Variants in LMBRD2 observed in about 807,000 individuals in gnomAD.
The protein encoded by LMBRD2 is G protein-coupled receptor-associated protein LMBRD2.
A neutral mutation model predicts 94.4 loss-of-function variants in LMBRD2; 55 were observed. The ratio of observed to expected loss-of-function variants is 0.58; its 90% confidence interval spans 0.47 to 0.73. LMBRD2 has a LOEUF of 0.73. Ranked by LOEUF, LMBRD2 falls within the 30% of genes least tolerant of loss-of-function variation. The pLI, the probability that LMBRD2 is intolerant of heterozygous loss-of-function variation, is 0.00. For synonymous variants in LMBRD2, 246 were observed against 272.4 expected, an observed-to-expected ratio of 0.90 and a Z score of 0.95; for missense variants, 640 against 831.9, an observed-to-expected ratio of 0.77 and a Z score of 2.84.
At position 36,103,803 on chromosome 5, in the gene LMBRD2, G is replaced by A. The variant is rs17343598; in HGVS notation, c.*243C>T. On this transcript the variant is annotated 3_prime_UTR_variant, in exon 18 of 18. Coordinates refer to ENST00000296603, the MANE Select transcript of LMBRD2 (RefSeq NM_001007527.2). The stretch of plus-strand genomic sequence containing the variant: ...TGATCTTTCTTAAAGTCCTTCCACT[G>A]TAACTGTATTTCTAAGGCAGATGCT... 0.33 allele frequency: 96,967 copies of A among 293,012 alleles called. 19,086 individuals are homozygous for A. The highest frequency in any genetic ancestry group is 0.41 in the Non-Finnish European group (63,475 of 154,340). The allele number at this position is 293,012 out of a possible 1,614,324, so 18.2% of individuals were successfully genotyped here. A position where few individuals can be genotyped will look rare whatever the true frequency, so the allele number is the denominator to read the frequency against.
At chr5:36,145,201 G>T (rs1369594302) in intron 1 of LMBRD2, among the ~76,000 whole-genome samples, 5 of 152,156 alleles carry the variant, frequency 3.3e-5, no homozygotes. Flanking sequence ...AAAATACTGT[G>T]TAGTTTAGTA....
At chr5:36,125,764 A>C (rs1743994903) in intron 6 of LMBRD2, among the ~76,000 whole-genome samples, 1 of 152,178 alleles carries the variant, frequency 6.6e-6, no homozygotes, top group African/African-American at 2.4e-5. Context: ...AACAAACATA[A>C]ATAAAAATGA....
chr5:36,151,845 A>C lies in LMBRD2; in HGVS notation c.-347T>G. On this transcript the variant is annotated 5_prime_UTR_variant, in exon 1 of 18. Transcript: ENST00000296603. This position sits in a 1 kb window ranked among gnomAD's most constrained non-coding sequence, Gnocchi z 4.7. Reference sequence around the variant, plus strand: ...CCAGAAGGCCTGCGGGCTCCCGAGAAAGGAAAATCCGTCTACAGTCCAGCG... The same window carrying C: ...CCAGAAGGCCTGCGGGCTCCCGAGACAGGAAAATCCGTCTACAGTCCAGCG... 5.0e-6 allele frequency: 1 copy of C among 198,492 alleles called. No homozygotes were observed. The highest frequency in any genetic ancestry group is 1.1e-5 in the Non-Finnish European group (1 of 94,986). The allele number at this position is 198,492 out of a possible 1,614,324, so 12.3% of individuals were successfully genotyped here.
rs1261655922 is a variant in LMBRD2 at position 36,143,374 on chromosome 5, C to G, written c.-25G>C. The stretch of plus-strand genomic sequence containing the variant: ...TTATTGAATATTTCACTCTGACTAA[C>G]CAAAGTTATTCATGTACAGGTCTGG... On this transcript the variant is annotated 5_prime_UTR_variant, in exon 2 of 18. Coordinates refer to ENST00000296603, the MANE Select transcript of LMBRD2 (RefSeq NM_001007527.2). The G allele has an allele frequency of 6.3e-7, 1 of 1,593,792 alleles. No individual in the cohort carries two copies. Among genetic ancestry groups the G allele is most frequent in the African/African-American group, 1.3e-5 (1 of 74,286 alleles).
Position 36,151,769 on chromosome 5 carries a change from A to C in LMBRD2, c.-271T>G, listed in dbSNP as rs1744721407. The C allele has an allele frequency of 5.7e-6, 1 of 176,712 alleles. No individual in the cohort carries two copies. The highest frequency in any genetic ancestry group is 5.6e-5 in the Admixed American group (1 of 17,934). The allele number at this position is 176,712 out of a possible 1,614,324, so 10.9% of individuals were successfully genotyped here. Reference sequence around the variant, plus strand: ...GGGACCGGGAAACGGCGGCCGCCACAGCTGTCCAGGTTCTGGGATCCACGC... The same window carrying C: ...GGGACCGGGAAACGGCGGCCGCCACCGCTGTCCAGGTTCTGGGATCCACGC... On this transcript the variant is annotated 5_prime_UTR_variant, in exon 1 of 18. Transcript: ENST00000296603. This position sits in a 1 kb window ranked among gnomAD's most constrained non-coding sequence, Gnocchi z 4.7.
intron 6 of LMBRD2, among the ~76,000 whole-genome samples, chr5:36,132,844 T>C (rs772586582): frequency 6.6e-6 from 1 of 151,932 alleles, no homozygotes; most frequent in South Asian, 2.1e-4. Context: ...ATGCTACTGA[T>C]TTTTGAATCA....
In LMBRD2 at chr5:36,101,209, TG is replaced by T. The variant is rs1375823480; in HGVS notation, c.*2836del. 3 of 151,976 alleles carry T rather than the reference TG, an allele frequency of 2.0e-5. No individual in the cohort carries two copies. Among genetic ancestry groups the T allele is most frequent in the Non-Finnish European group, 4.4e-5 (3 of 67,880 alleles). 9.4% of individuals were successfully genotyped at this position (151,976 alleles called of 1,614,324 possible). ...TAATAATTAAACTTATTCTTTCTTT[TG>T]TTTTTTACAAAAATGCTCTATTGAT... is the stretch of plus-strand genomic sequence containing the variant. On this transcript the variant is annotated 3_prime_UTR_variant, in exon 18 of 18. Coordinates refer to ENST00000296603, the MANE Select transcript of LMBRD2 (RefSeq NM_001007527.2).
chr5:36,138,960 T>A (rs759251013), intron 4 of LMBRD2, among the ~76,000 whole-genome samples: 13 of 152,096 alleles, frequency 8.5e-5, no homozygotes, highest in Non-Finnish European at 1.5e-4. Flanking sequence ...GGCCGCAGTG[T>A]GGGGGGACTG....
intron 7 of LMBRD2, among the ~76,000 whole-genome samples, chr5:36,123,929 T>G (rs1413076453): frequency 6.6e-6 from 1 of 151,928 alleles, no homozygotes; most frequent in Non-Finnish European, 1.5e-5. Context: ...TTTAAAGGTT[T>G]ATTTCCATCA....
Position 36,136,517 on chromosome 5 carries a change from T to C in LMBRD2, c.539A>G (p.Asn180Ser). 1 of 1,613,540 alleles carries C rather than the reference T, an allele frequency of 6.2e-7. No individual in the cohort carries two copies. Among genetic ancestry groups the C allele is most frequent in the Non-Finnish European group, 8.5e-7 (1 of 1,179,514 alleles). ...AVNPHLHLEW[N>S]QLQTIGIAAA... is the part of the protein sequence containing the mutation. ...AGCTATCCCAATTGTCTGAAGCTGG[T>C]TCCTAAGAAAGGGAAACAACAGATA... Residue 180 changes from asparagine to serine, a missense_variant and splice_region_variant, in exon 6 of 18, where the codon AAC becomes AGC. Physicochemically the swap from Asn to Ser is conservative, Grantham distance 46. Around this residue, in one of 2 missense-constraint regions of LMBRD2, gnomAD observed 457 missense variants for 642.8 expected, o/e 0.71. Transcript: ENST00000296603.
At chr5:36,149,644 C>T (rs1474496781) in intron 1 of LMBRD2, among the ~76,000 whole-genome samples, 4 of 152,216 alleles carry the variant, frequency 2.6e-5, no homozygotes, top group African/African-American at 7.2e-5. Flanking sequence ...CGGAGGCTCA[C>T]GCCTGTAATC....
At position 36,151,026 on chromosome 5, in the gene LMBRD2, T is replaced by C. The variant is rs890394512; in HGVS notation, c.-58+530A>G. On this transcript the variant is annotated intron_variant, in intron 1 of 17. Transcript: ENST00000296603. This position sits in a 1 kb window ranked among gnomAD's most constrained non-coding sequence, Gnocchi z 4.7. Reference sequence around the variant, plus strand: ...AATTCATCCCCCTTCCCTCTTCCACTGTTTTCCCGGGGTCACAGTTGTAGT... The same window carrying C: ...AATTCATCCCCCTTCCCTCTTCCACCGTTTTCCCGGGGTCACAGTTGTAGT... Among the ~76,000 whole-genome samples the C allele has an allele frequency of 5.9e-5, 9 of 152,242 alleles. No individual in the cohort carries two copies. The highest frequency in any genetic ancestry group is 1.2e-4 in the Non-Finnish European group (8 of 68,030).
chr5:36,132,796 G>T (rs1025719501), intron 6 of LMBRD2, among the ~76,000 whole-genome samples: 12 of 151,624 alleles, frequency 7.9e-5, no homozygotes, highest in Non-Finnish European at 1.2e-4. Flanking sequence ...TTGTAAATGG[G>T]GTTTCTTTTT....
intron 9 of LMBRD2, among the ~76,000 whole-genome samples, chr5:36,121,440 T>C (rs762998343): frequency 6.6e-6 from 1 of 152,208 alleles, no homozygotes; most frequent in Non-Finnish European, 1.5e-5. Context: ...TTTAATACTA[T>C]GACACTTTGG....
chr5:36,148,109 C>T lies in LMBRD2; in HGVS notation c.-58+3447G>A, dbSNP rs553078248. ...CAGAATTAGAAGTGAATGATTAAGT[C>T]AACAATTTTCCACCAATAATTAAAT... On this transcript the variant is annotated intron_variant, in intron 1 of 17. Coordinates refer to ENST00000296603, the MANE Select transcript of LMBRD2 (RefSeq NM_001007527.2). 6.0e-5 allele frequency: 11 copies of T among 182,904 alleles called. No homozygotes were observed. The South Asian group carries it at 8.7e-4, about 15-fold the overall frequency. The allele number at this position is 182,904 out of a possible 1,614,324, so 11.3% of individuals were successfully genotyped here. A position where few individuals can be genotyped will look rare whatever the true frequency, so the allele number is the denominator to read the frequency against.
intron 7 of LMBRD2, among the ~76,000 whole-genome samples, chr5:36,123,990 T>C (rs1414668909): frequency 1.3e-5 from 2 of 151,968 alleles, no homozygotes; most frequent in Non-Finnish European, 2.9e-5. Flanking sequence ...CATATTTCAA[T>C]AGAAAATACT....
intron 9 of LMBRD2, among the ~76,000 whole-genome samples, chr5:36,121,672 A>C (rs1461355417): frequency 1.3e-5 from 2 of 152,204 alleles, no homozygotes; most frequent in Non-Finnish European, 2.9e-5. Flanking sequence ...AATTCTAACT[A>C]TTTTAAGTAC....
chr5:36,132,450 TG>T (rs1744176613), intron 6 of LMBRD2, among the ~76,000 whole-genome samples: 1 of 151,724 alleles, frequency 6.6e-6, no homozygotes, highest in Non-Finnish European at 1.5e-5. Context: ...TAAGCAAAAG[TG>T]AACAAATGGG....
Position 36,115,068 on chromosome 5 carries a change from G to A in LMBRD2, c.1489C>T (p.His497Tyr). 5 of 1,612,094 alleles carry A rather than the reference G, an allele frequency of 3.1e-6. No homozygotes were observed. Among genetic ancestry groups the A allele is most frequent in the Non-Finnish European group, 4.2e-6 (5 of 1,178,910 alleles). The change falls in exon 12 of 18, where the codon CAT (histidine) becomes TAT (tyrosine). Residue 497 changes from histidine to tyrosine, a missense_variant. His to Tyr is a moderately conservative substitution (Grantham distance 83). This residue lies in a region of LMBRD2 where 457 missense variants were observed against 642.8 expected (regional missense o/e 0.71). Transcript: ENST00000296603. Reference protein sequence around the residue: ...PLCLNFLGLTHMDSSISHKNT... With the variant: ...PLCLNFLGLTYMDSSISHKNT... ...TTGTGAGAGATAGATGAATCCATAT[G>A]GGTCAAACCCAAGAAATTAAGACAT...
Sources: gnomAD v4.1 joint callset for allele counts (sites outside exome capture counted in the v4.1 genomes callset) on GRCh38, gnomAD v4.1.1 for gene constraint, gnomAD v4.1.1 regional missense constraint, Gnocchi (gnomAD v3.1) non-coding constraint, MANE v1.5 for transcripts, NCBI Gene and HGNC (gene_info 2026-07-23, HGNC 2026-07-21) for gene names.